SLC8A1: variants seen among roughly 807,000 people sequenced by gnomAD.
The protein encoded by SLC8A1 is sodium/calcium exchanger 1.
A neutral mutation model predicts 68.3 loss-of-function variants in SLC8A1; 18 were observed. The ratio of observed to expected loss-of-function variants is 0.26; its 90% CI spans 0.18 to 0.39. The LOEUF (loss-of-function observed/expected upper bound fraction) is 0.39. SLC8A1 is among the 10% of genes least tolerant of loss of function. The probability of loss-of-function intolerance (pLI) is 1.00; values close to 1 mark genes in which losing one functional copy is unlikely to be tolerated. For synonymous variants in SLC8A1, 475 were observed against 415.5 expected (o/e 1.14, Z -1.74); for missense variants, 985 against 1,156.7 (o/e 0.85, Z 2.15).
upstream of SLC8A1, among the ~76,000 whole-genome samples, chr2:40,455,981 A>T (rs1420651918): frequency 6.6e-6 from 1 of 152,194 alleles, no homozygotes; most frequent in Non-Finnish European, 1.5e-5. Flanking sequence ...GTCTTTGGAC[A>T]TCAGGGACCT....
chr2:40,430,260 T>G, exon 2 of SLC8A1: 1 of 1,611,980 alleles, frequency 6.2e-7, no homozygotes, highest in Non-Finnish European at 8.5e-7. Flanking sequence ...GTGAAAGACT[T>G]AATCGCCGCA....
chr2:40,139,790 T>C (rs1197048320), intron 6 of SLC8A1, 114 bp from the exon 10 acceptor site: 2 of 1,062,504 alleles, frequency 1.9e-6, no homozygotes, highest in East Asian at 4.8e-5. Flanking sequence ...CAGGAGGCCA[T>C]GAGAGGTGGG....
At chr2:40,299,447 C>A (rs536834066) in intron 2 of SLC8A1, among the ~76,000 whole-genome samples, 1 of 152,184 alleles carries the variant, frequency 6.6e-6, no homozygotes, top group Non-Finnish European at 1.5e-5. Context: ...CTGAACTCAT[C>A]TCCTACTTGG....
chr2:40,124,679 T>C (rs2037676554), intron 7 of SLC8A1, among the ~76,000 whole-genome samples: 1 of 152,220 alleles, frequency 6.6e-6, no homozygotes, highest in Admixed American at 6.5e-5. Flanking sequence ...CTAGAGGCAA[T>C]TTTACAAACA....
At chr2:40,503,427 T>C (rs1480406385) in intron 1 of SLC8A1, among the ~76,000 whole-genome samples, 1 of 152,144 alleles carries the variant, frequency 6.6e-6, no homozygotes, top group African/African-American at 2.4e-5. Flanking sequence ...GTGTACTTTT[T>C]ATTCAACATA....
intron 2 of SLC8A1, among the ~76,000 whole-genome samples, chr2:40,238,048 C>G (rs936436547): frequency 6.6e-6 from 1 of 152,230 alleles, no homozygotes; most frequent in South Asian, 2.1e-4. Context: ...AAAGTTACTG[C>G]TGTCTTTTTG....
At chr2:40,444,491 G>A (rs576704488) in intron 1 of SLC8A1, among the ~76,000 whole-genome samples, 2 of 152,134 alleles carry the variant, frequency 1.3e-5, no homozygotes, top group South Asian at 2.1e-4. Flanking sequence ...TGAATTTCTA[G>A]GCCATTTCTC....
intron 2 of SLC8A1, among the ~76,000 whole-genome samples, chr2:40,410,017 GA>G (rs1399537984): frequency 2.6e-5 from 4 of 152,056 alleles, no homozygotes; most frequent in African/African-American, 7.2e-5. Context: ...AAAAAAGGGG[GA>G]GGGGAGAAGG....
At chr2:40,336,057 T>G (rs1212836440) in intron 2 of SLC8A1, among the ~76,000 whole-genome samples, 1 of 152,214 alleles carries the variant, frequency 6.6e-6, no homozygotes, top group Non-Finnish European at 1.5e-5. Flanking sequence ...TAGTTCCTTA[T>G]GATGTCATGC....
At chr2:40,250,922 A>ATGAT (rs2062643025) in intron 2 of SLC8A1, 1 of 152,204 alleles carries the variant, frequency 6.6e-6, no homozygotes, top group East Asian at 1.9e-4. Context: ...TCAGAATTTG[A>ATGAT]TGATTATTCT....
chr2:40,116,620 C>T (rs372092374), intron 7 of SLC8A1, among the ~76,000 whole-genome samples: 143 of 152,118 alleles, frequency 9.4e-4, no homozygotes, highest in African/African-American at 3.1e-3. Flanking sequence ...GGTGAGGGAA[C>T]GAGGCTTAGA....
chr2:40,211,635 T>C (rs980114821), intron 2 of SLC8A1, among the ~76,000 whole-genome samples: 9 of 152,274 alleles, frequency 5.9e-5, no homozygotes, highest in Admixed American at 2.0e-4. Flanking sequence ...TGTGAAGTTA[T>C]GGAAGTGAAA....
At position 40,284,342 on chromosome 2, in the gene SLC8A1, T is replaced by C. The variant is rs189987609; in HGVS notation, c.1809-106487A>G. On this transcript the variant is annotated intron_variant, in intron 2 of 7. Coordinates refer to ENST00000406785, the Ensembl canonical transcript of SLC8A1. The stretch of plus-strand genomic sequence containing the variant: ...ATTGACATATATATAGATCTCTCTA[T>C]ATAAATATATATAGATATATACATA... 3.4e-3 allele frequency among the ~76,000 whole-genome samples: 462 copies of C among 137,358 alleles called. 1 individual carries two copies. Among genetic ancestry groups the C allele is most frequent in the African/African-American group, 0.011 (438 of 39,424 alleles). The allele number at this position is 137,358 out of a possible 152,430, so 90.1% of individuals were successfully genotyped here. A position where few individuals can be genotyped will look rare whatever the true frequency, so the allele number is the denominator to read the frequency against.
At chr2:40,484,091 A>G (rs1465071696) in intron 1 of SLC8A1, among the ~76,000 whole-genome samples, 2 of 152,240 alleles carry the variant, frequency 1.3e-5, no homozygotes, top group African/African-American at 4.8e-5. Flanking sequence ...CTAATATAAC[A>G]TGACTATATA....
At chr2:40,315,833 T>C (rs903559223) in intron 2 of SLC8A1, among the ~76,000 whole-genome samples, 1 of 151,974 alleles carries the variant, frequency 6.6e-6, no homozygotes, top group Non-Finnish European at 1.5e-5. Flanking sequence ...GGTGATAATG[T>C]ATTAAGAAAC....
chr2:40,211,242 A>G (rs1243992579), intron 2 of SLC8A1, among the ~76,000 whole-genome samples: 4 of 152,168 alleles, frequency 2.6e-5, no homozygotes, highest in Non-Finnish European at 2.9e-5. Context: ...GTACGTTGGC[A>G]CCTTTAACAT....
chr2:40,352,384 G>A (rs529789330), intron 2 of SLC8A1, among the ~76,000 whole-genome samples: 5 of 152,096 alleles, frequency 3.3e-5, no homozygotes, highest in African/African-American at 1.2e-4. Flanking sequence ...GTCTCAAATG[G>A]TTACCTTATG....
At chr2:40,322,077 G>C (rs2075269445) in intron 2 of SLC8A1, among the ~76,000 whole-genome samples, 1 of 152,038 alleles carries the variant, frequency 6.6e-6, no homozygotes, top group African/African-American at 2.4e-5. Context: ...ATTTTTAGCA[G>C]TAAGTCAGTT....
At chr2:40,402,647 C>T (rs1486998042) in intron 2 of SLC8A1, among the ~76,000 whole-genome samples, 2 of 152,130 alleles carry the variant, frequency 1.3e-5, no homozygotes, top group Non-Finnish European at 2.9e-5. Flanking sequence ...CTGTCATGGC[C>T]TGGATTAATC....
Sources: gnomAD v4.1 joint callset for allele counts (sites outside exome capture counted in the v4.1 genomes callset) on GRCh38, gnomAD v4.1.1 for gene constraint, MANE v1.5 for transcripts, NCBI Gene and HGNC (gene_info 2026-07-23, HGNC 2026-07-21) for gene names.